STX8: variants seen among roughly 807,000 people sequenced by gnomAD.
STX8 encodes syntaxin 8.
A neutral mutation model predicts 37.5 loss-of-function variants in STX8; 23 were observed. The ratio of observed to expected loss-of-function variants is 0.61; its 90% CI spans 0.44 to 0.87. The LOEUF (loss-of-function observed/expected upper bound fraction) is 0.87. Among genes scored for constraint, STX8 ranks in the 40% least tolerant of loss-of-function variants. STX8 has a pLI of 0.00. For synonymous variants in STX8, 115 were observed against 99.1 expected (o/e 1.16, Z -0.95); for missense variants, 313 against 284.7 (o/e 1.10, Z -0.71).
intron 6 of STX8, among the ~76,000 whole-genome samples, chr17:9,388,514 A>G (rs1312099276): frequency 6.6e-6 from 1 of 151,542 alleles, no homozygotes; most frequent in Non-Finnish European, 1.5e-5. Flanking sequence ...ACATAAACAT[A>G]TACATTTTTT....
intron 4 of STX8, among the ~76,000 whole-genome samples, chr17:9,520,311 C>G (rs1905297922): frequency 6.6e-6 from 1 of 152,166 alleles, no homozygotes; most frequent in South Asian, 2.1e-4. Context: ...ACTGTTTGAG[C>G]AGATGGAGAG....
intron 5 of STX8, among the ~76,000 whole-genome samples, chr17:9,504,596 C>G (rs2315142): frequency 0.69 from 104,278 of 151,594 alleles, 36,387 homozygotes; most frequent in Middle Eastern, 0.85. Context: ...CCTCAGGTAT[C>G]CTGAGGCACA....
At chr17:9,304,929 G>GTATA (rs373766283) in intron 7 of STX8, among the ~76,000 whole-genome samples, 45 of 96,214 alleles carry the variant, frequency 4.7e-4, no homozygotes, top group African/African-American at 1.2e-3. Flanking sequence ...AAAAAAATAT[G>GTATA]TATATATATA....
chr17:9,313,159 C>T (rs969533996), intron 7 of STX8, among the ~76,000 whole-genome samples: 1 of 151,970 alleles, frequency 6.6e-6, no homozygotes, highest in Non-Finnish European at 1.5e-5. Flanking sequence ...CCATTGCATT[C>T]CAGTTTGGGC....
chr17:9,554,888 G>C (rs1488467704), intron 3 of STX8: 2 of 139,902 alleles, frequency 1.4e-5, no homozygotes, highest in African/African-American at 2.7e-5. Context: ...CTGGGCGACA[G>C]AGCAAGACTC....
At chr17:9,518,864 G>A (rs1044262862) in intron 4 of STX8, among the ~76,000 whole-genome samples, 55 of 132,504 alleles carry the variant, frequency 4.2e-4, no homozygotes, top group African/African-American at 1.6e-3. Flanking sequence ...GCGAGACTCC[G>A]TCTCAAAAAA....
intron 6 of STX8, among the ~76,000 whole-genome samples, chr17:9,448,356 C>A (rs947722896): frequency 6.6e-6 from 1 of 152,188 alleles, no homozygotes; most frequent in Non-Finnish European, 1.5e-5. Flanking sequence ...CTAACTGAGG[C>A]TGAGCAAGGC....
chr17:9,493,143 G>A (rs936763415), intron 5 of STX8, among the ~76,000 whole-genome samples: 3 of 151,456 alleles, frequency 2.0e-5, no homozygotes, highest in African/African-American at 7.3e-5. Context: ...TGTACCTGTA[G>A]TGTCAGCTAC....
intron 4 of STX8, among the ~76,000 whole-genome samples, chr17:9,524,203 T>C (rs187327764): frequency 6.6e-6 from 1 of 152,330 alleles, no homozygotes; most frequent in East Asian, 1.9e-4. Context: ...CAACACATGA[T>C]GTACAAATTT....
intron 7 of STX8, among the ~76,000 whole-genome samples, chr17:9,288,715 A>T (rs1051663499): frequency 2.0e-5 from 3 of 151,660 alleles, no homozygotes; most frequent in Non-Finnish European, 4.4e-5. Flanking sequence ...AAAGAATTTC[A>T]ATGGAAGAAT....
chr17:9,464,144 A>G (rs939949569), intron 6 of STX8, among the ~76,000 whole-genome samples: 4 of 152,214 alleles, frequency 2.6e-5, no homozygotes, highest in African/African-American at 9.6e-5. Context: ...GACAATTACC[A>G]TATATGCTCC....
At chr17:9,389,634 G>A (rs1011974373) in intron 6 of STX8, among the ~76,000 whole-genome samples, 7 of 151,592 alleles carry the variant, frequency 4.6e-5, no homozygotes, top group Non-Finnish European at 1.0e-4. Context: ...TATATAGGGA[G>A]AGAGTTTGCT....
At chr17:9,492,295 T>C (rs1409931839) in intron 5 of STX8, among the ~76,000 whole-genome samples, 1 of 152,144 alleles carries the variant, frequency 6.6e-6, no homozygotes, top group Non-Finnish European at 1.5e-5. Context: ...GAAAATAAAG[T>C]TTTAACATCG....
rs35962202 is a variant in STX8, at chr17:9,535,424, CTTTTTTTTTTTTTTT to C, written c.323+9733_323+9747del. Among the ~76,000 whole-genome samples the C allele has an allele frequency of 3.5e-4, 18 of 51,550 alleles. 1 individual carries two copies. Among genetic ancestry groups the C allele is most frequent in the Admixed American group, 1.5e-3 (4 of 2,682 alleles). The allele number at this position is 51,550 out of a possible 152,430, so 33.8% of individuals were successfully genotyped here. A position where few individuals can be genotyped will look rare whatever the true frequency, so the allele number is the denominator to read the frequency against. On this transcript the variant is annotated intron_variant, in intron 4 of 7. Transcript: ENST00000306357. The stretch of plus-strand genomic sequence containing the variant: ...CATACCCTCTGACCCAGCCATCCTA[CTTTTTTTTTTTTTTT>C]TTTTTTTTTTTGAGACGGAGTCTTG...
At chr17:9,450,073 T>C (rs758877937) in intron 6 of STX8, among the ~76,000 whole-genome samples, 5 of 151,874 alleles carry the variant, frequency 3.3e-5, no homozygotes, top group Non-Finnish European at 7.4e-5. Context: ...AAAGATGAAA[T>C]TTGCTACATG....
intron 3 of STX8, among the ~76,000 whole-genome samples, chr17:9,556,086 A>G (rs192188584): frequency 5.2e-4 from 79 of 152,304 alleles, no homozygotes; most frequent in Non-Finnish European, 8.7e-4. Flanking sequence ...TTGAAATTAA[A>G]CTTTTATTTG....
At chr17:9,505,201 A>G (rs1266940933) in intron 4 of STX8, 39 bp from the exon 5 acceptor site, 4 of 1,574,540 alleles carry the variant, frequency 2.5e-6, no homozygotes, top group Admixed American at 3.6e-5. Flanking sequence ...ATCTCAAAAC[A>G]TGCAGCTCAA....
intron 7 of STX8, chr17:9,273,255 G>T (rs1220879762): frequency 6.6e-6 from 1 of 152,206 alleles, no homozygotes; most frequent in African/African-American, 2.4e-5. Flanking sequence ...AATGAGATAC[G>T]TGGGAAGCAC....
chr17:9,419,228 G>A (rs941579272), intron 6 of STX8, among the ~76,000 whole-genome samples: 5 of 151,560 alleles, frequency 3.3e-5, no homozygotes, highest in South Asian at 2.1e-4. Flanking sequence ...TGCCCAGTTC[G>A]TTATTTTATT....
Sources: allele counts gnomAD v4.1 joint callset (sites outside exome capture counted in the v4.1 genomes callset), GRCh38; gene constraint gnomAD v4.1.1; transcripts MANE v1.5; gene names NCBI Gene and HGNC (gene_info 2026-07-23, HGNC 2026-07-21).